ZNF529: variants seen among roughly 807,000 people sequenced by gnomAD.
The protein encoded by ZNF529 is zinc finger protein 529.
A neutral mutation model predicts 10.1 loss-of-function variants in ZNF529; 11 were observed. The ratio of observed to expected loss-of-function variants is 1.09; its 90% CI spans 0.69 to 1.81. The LOEUF is 1.81. Ranked by LOEUF, ZNF529 falls within the 40% of genes most tolerant of loss-of-function variation. The pLI is 0.00. For missense variants in ZNF529, 624 were observed against 666.8 expected, an observed-to-expected ratio of 0.94 and a Z score of 0.71; for synonymous variants, 204 against 215.7, an observed-to-expected ratio of 0.95 and a Z score of 0.47.
rs754760194 is a variant in ZNF529, at chr19:36,547,725, CCAT to C, written c.830_832del (p.Asp277del). ...GAATGAGCATTCAAAGTGTTTCTCA[CCAT>C]CATGAACTCTTTGAAGTGGAGTAAC... On this transcript the variant is annotated inframe_deletion, in exon 5 of 5. Coordinates refer to ENST00000591340, the MANE Select transcript of ZNF529 (RefSeq NM_020951.5). The C allele has an allele frequency of 6.2e-7, 1 of 1,613,858 alleles. No homozygotes were observed. The highest frequency in any genetic ancestry group is 2.2e-5 in the East Asian group (1 of 44,858).
chr19:36,592,050 G>C (rs978332469), intron 1 of ZNF529, among the ~76,000 whole-genome samples: 1 of 151,776 alleles, frequency 6.6e-6, no homozygotes. Context: ...ATAGCGGGTG[G>C]ATCACTTGAG....
chr19:36,582,335 A>T (rs992149306), intron 2 of ZNF529: 3 of 152,310 alleles, frequency 2.0e-5, no homozygotes, highest in African/African-American at 4.8e-5. Flanking sequence ...CACCATTTTT[A>T]AAAATGAGGA....
intron 2 of ZNF529, among the ~76,000 whole-genome samples, chr19:36,567,954 A>G (rs950903731): frequency 3.3e-5 from 5 of 152,200 alleles, no homozygotes; most frequent in Non-Finnish European, 5.9e-5. Flanking sequence ...AAAAACTCCT[A>G]CAACTCAGCC....
intron 2 of ZNF529, among the ~76,000 whole-genome samples, chr19:36,563,489 G>T (rs1312777175): frequency 6.6e-6 from 1 of 151,086 alleles, no homozygotes; most frequent in Non-Finnish European, 1.5e-5. Flanking sequence ...AGAGTAAGAC[G>T]ATGGAAAAAA....
At chr19:36,575,357 A>C (rs1270748017), upstream of ZNF529, among the ~76,000 whole-genome samples, 1 of 152,202 alleles carries the variant, frequency 6.6e-6, no homozygotes, top group Non-Finnish European at 1.5e-5. Flanking sequence ...CATCATACAA[A>C]CTAAATCCAA....
At chr19:36,575,439 T>A (rs1033511623), upstream of ZNF529, among the ~76,000 whole-genome samples, 6 of 152,128 alleles carry the variant, frequency 3.9e-5, 1 homozygote, top group South Asian at 1.2e-3. Context: ...TGAATAGTTA[T>A]ATAGATTTGA....
In ZNF529 at chr19:36,592,023, C is replaced by T. The variant is rs150350352; in HGVS notation, c.-127-2322G>A. Reference sequence around the variant, plus strand: ...GCATAGCAGCTCGTGCCTATAATCCCAGCACTTTGGGAGGCCATAGCGGGT... The same window carrying T: ...GCATAGCAGCTCGTGCCTATAATCCTAGCACTTTGGGAGGCCATAGCGGGT... On this transcript the variant is annotated intron_variant, in intron 1 of 4. Transcript: ENST00000585960. 2.5e-3 allele frequency among the ~76,000 whole-genome samples: 380 copies of T among 151,884 alleles called. 1 individual carries two copies. The highest frequency in any genetic ancestry group is 8.6e-3 in the African/African-American group (355 of 41,436).
At chr19:36,561,250 C>T (rs1183506669) in intron 2 of ZNF529, among the ~76,000 whole-genome samples, 1 of 152,182 alleles carries the variant, frequency 6.6e-6, no homozygotes, top group Non-Finnish European at 1.5e-5. Flanking sequence ...AGTTGTGGCT[C>T]CAGTGGGCCC....
At chr19:36,601,456 G>A (rs1468890479) in intron 1 of ZNF529, among the ~76,000 whole-genome samples, 2 of 152,092 alleles carry the variant, frequency 1.3e-5, no homozygotes, top group African/African-American at 4.8e-5. Context: ...GAAGGCTGAG[G>A]TGGGAGGACT....
chr19:36,581,039 C>T, intron 2 of ZNF529: 1 of 152,126 alleles, frequency 6.6e-6, no homozygotes, highest in East Asian at 1.9e-4. Flanking sequence ...TAGCAAGGGA[C>T]AACTGTATAG....
intron 2 of ZNF529, among the ~76,000 whole-genome samples, chr19:36,589,441 G>A (rs2036657095): frequency 6.6e-6 from 1 of 152,142 alleles, no homozygotes; most frequent in African/African-American, 2.4e-5. Flanking sequence ...CATATCTGGG[G>A]GTCATTGAAG....
intron 2 of ZNF529, among the ~76,000 whole-genome samples, chr19:36,561,387 T>C (rs1382295516): frequency 6.6e-6 from 1 of 151,398 alleles, no homozygotes; most frequent in Non-Finnish European, 1.5e-5. Context: ...AGATTTCTTT[T>C]TTTTTTTTTT....
At chr19:36,583,274 C>G (rs950198412) in intron 2 of ZNF529, among the ~76,000 whole-genome samples, 1 of 152,054 alleles carries the variant, frequency 6.6e-6, no homozygotes, top group Admixed American at 6.6e-5. Flanking sequence ...GCAGGCTGGT[C>G]TTGAACTCCT....
chr19:36,571,970 T>G (rs1415312399), intron 2 of ZNF529, among the ~76,000 whole-genome samples: 1 of 150,498 alleles, frequency 6.6e-6, no homozygotes, highest in African/African-American at 2.5e-5. Flanking sequence ...TGTCACTTAC[T>G]GATTAATACC....
chr19:36,567,875 C>G (rs1463121587), intron 2 of ZNF529, among the ~76,000 whole-genome samples: 1 of 152,138 alleles, frequency 6.6e-6, no homozygotes, highest in African/African-American at 2.4e-5. Flanking sequence ...ACTGATAAGA[C>G]AGCCTGCACG....
intron 2 of ZNF529, among the ~76,000 whole-genome samples, chr19:36,588,009 G>A (rs141833393): frequency 6.6e-6 from 1 of 152,292 alleles, no homozygotes; most frequent in African/African-American, 2.4e-5. Flanking sequence ...TTAGCTGTGT[G>A]TGGTGGCATG....
At chr19:36,558,337 A>T (rs1262609151) in intron 2 of ZNF529, among the ~76,000 whole-genome samples, 2 of 152,128 alleles carry the variant, frequency 1.3e-5, no homozygotes, top group Non-Finnish European at 2.9e-5. Flanking sequence ...ACAAACACCA[A>T]GCAGGATAAA....
intron 2 of ZNF529, chr19:36,582,034 T>G (rs2036474666): frequency 6.6e-6 from 1 of 152,194 alleles, no homozygotes; most frequent in African/African-American, 2.4e-5. Flanking sequence ...ATGATTCCAC[T>G]CATATGAAGT....
chr19:36,559,358 G>A (rs2035595077), intron 2 of ZNF529, among the ~76,000 whole-genome samples: 2 of 152,230 alleles, frequency 1.3e-5, no homozygotes, highest in Admixed American at 1.3e-4. Flanking sequence ...ACCCACGGTG[G>A]AGTGCAGTGC....
Sources: allele counts gnomAD v4.1 joint callset (sites outside exome capture counted in the v4.1 genomes callset), GRCh38; gene constraint gnomAD v4.1.1; transcripts MANE v1.5; gene names NCBI Gene and HGNC (gene_info 2026-07-23, HGNC 2026-07-21).